Variants in ALK observed in about 807,000 individuals in gnomAD.
The protein encoded by ALK is ALK receptor tyrosine kinase, also known as ALK tyrosine kinase receptor.
In ALK, 74 loss-of-function variants were observed where a neutral mutation model predicts 163.1. The ratio of observed to expected loss-of-function variants is 0.45; its 90% CI spans 0.38 to 0.55. ALK has a LOEUF of 0.55. Among genes scored for constraint, ALK ranks in the 20% least tolerant of loss-of-function variants. The pLI is 0.00. For synonymous variants in ALK, 960 were observed against 843.2 expected (o/e 1.14, Z -2.40); for missense variants, 2,063 against 2,105.3 (o/e 0.98, Z 0.39).
At chr2:29,234,913 A>G (rs981033556) in intron 13 of ALK, among the ~76,000 whole-genome samples, 35 of 152,220 alleles carry the variant, frequency 2.3e-4, no homozygotes, top group Admixed American at 1.3e-3. Flanking sequence ...GGGTTTTGCC[A>G]TGTTGGCCAG....
chr2:29,466,079 A>C (rs1671203315), intron 4 of ALK, among the ~76,000 whole-genome samples: 1 of 152,234 alleles, frequency 6.6e-6, no homozygotes, highest in Admixed American at 6.5e-5. Context: ...AATTATATTA[A>C]AAAAGAAAGA....
chr2:29,593,910 T>C (rs950003859), intron 3 of ALK, among the ~76,000 whole-genome samples: 2 of 152,234 alleles, frequency 1.3e-5, no homozygotes, highest in Non-Finnish European at 2.9e-5. Flanking sequence ...AGAAGATTGT[T>C]AAATACAGCC....
chr2:29,640,791 G>A (rs905436497), intron 3 of ALK, among the ~76,000 whole-genome samples: 3 of 152,132 alleles, frequency 2.0e-5, no homozygotes, highest in Non-Finnish European at 4.4e-5. Flanking sequence ...TGTAGACACC[G>A]CTACCAATGG....
chr2:29,764,567 A>G (rs1454522519), intron 1 of ALK, among the ~76,000 whole-genome samples: 1 of 152,170 alleles, frequency 6.6e-6, no homozygotes, highest in African/African-American at 2.4e-5. Context: ...AGGCACTGTG[A>G]GAGTCACTAC....
intron 4 of ALK, among the ~76,000 whole-genome samples, chr2:29,475,842 A>G (rs1258259641): frequency 2.7e-5 from 4 of 149,258 alleles, no homozygotes; most frequent in Admixed American, 2.0e-4. Flanking sequence ...CTGAAGAGGA[A>G]TTGTGCAAAC....
In ALK at chr2:29,826,507, T is replaced by C. The variant is rs147031116; in HGVS notation, c.667+93486A>G. ...ACCAGTCTCTCTCTCTCTGTCTCTT[T>C]ATGTGTCAGGGTTTAGCATTCACAT... On this transcript the variant is annotated intron_variant, in intron 1 of 28. Transcript: ENST00000389048. 5.3e-4 allele frequency among the ~76,000 whole-genome samples: 81 copies of C among 152,260 alleles called. 1 individual carries two copies. The East Asian group carries it at 8.3e-3, about 16-fold the overall frequency.
chr2:29,733,745 C>T (rs1418530059), intron 1 of ALK, among the ~76,000 whole-genome samples: 1 of 152,100 alleles, frequency 6.6e-6, no homozygotes, highest in Non-Finnish European at 1.5e-5. Context: ...GTCATGTGAT[C>T]CCTATGAGGG....
intron 1 of ALK, among the ~76,000 whole-genome samples, chr2:29,803,214 G>T (rs774930018): frequency 2.6e-5 from 4 of 152,184 alleles, no homozygotes; most frequent in Non-Finnish European, 4.4e-5. Context: ...TCAGACCAAA[G>T]AAATCTGTCA....
chr2:29,608,699 T>C (rs1433264760), intron 3 of ALK, among the ~76,000 whole-genome samples: 1 of 152,220 alleles, frequency 6.6e-6, no homozygotes, highest in African/African-American at 2.4e-5. Context: ...ACCGTCCTAA[T>C]GACCAGTTGT....
chr2:29,354,891 C>T (rs1016336268), intron 5 of ALK, among the ~76,000 whole-genome samples: 5 of 152,012 alleles, frequency 3.3e-5, no homozygotes, highest in Non-Finnish European at 4.4e-5. Flanking sequence ...CTCAGCCTCC[C>T]AAGTAGCTAG....
chr2:29,308,722 T>G (rs1308584416), intron 8 of ALK, among the ~76,000 whole-genome samples: 1 of 152,230 alleles, frequency 6.6e-6, no homozygotes, highest in Non-Finnish European at 1.5e-5. Context: ...ATATTTATTA[T>G]GGGGCTTTAA....
chr2:29,848,214 T>C (rs1291989342), intron 1 of ALK, among the ~76,000 whole-genome samples: 1 of 152,122 alleles, frequency 6.6e-6, no homozygotes, highest in Non-Finnish European at 1.5e-5. Flanking sequence ...GGGACTTCAA[T>C]TCTGATGTCA....
chr2:29,779,525 C>T (rs776327956), intron 1 of ALK, among the ~76,000 whole-genome samples: 2 of 152,182 alleles, frequency 1.3e-5, no homozygotes, highest in Non-Finnish European at 2.9e-5. Context: ...CTCTCTTCAC[C>T]AGCAATACGG....
chr2:29,906,185 T>A (rs1266193381), intron 1 of ALK, among the ~76,000 whole-genome samples: 4 of 151,942 alleles, frequency 2.6e-5, no homozygotes, highest in Non-Finnish European at 1.5e-5. Context: ...CTGTGGTGAA[T>A]GAGGAAAAGT....
At chr2:29,216,528 C>T (rs1207928954) in intron 23 of ALK, among the ~76,000 whole-genome samples, 1 of 152,160 alleles carries the variant, frequency 6.6e-6, no homozygotes, top group East Asian at 1.9e-4. Flanking sequence ...CTTGGCTGCT[C>T]AGAGCAGATT....
intron 4 of ALK, among the ~76,000 whole-genome samples, chr2:29,403,577 T>C (rs535748291): frequency 6.6e-6 from 1 of 151,680 alleles, no homozygotes; most frequent in South Asian, 2.1e-4. Flanking sequence ...ATTAAAACAA[T>C]TGGTGGGAGG....
intron 5 of ALK, among the ~76,000 whole-genome samples, chr2:29,339,616 G>A (rs1667731394): frequency 6.6e-6 from 1 of 152,176 alleles, no homozygotes; most frequent in Non-Finnish European, 1.5e-5. Context: ...AAATGGAAGT[G>A]GGCAAACCAC....
intron 8 of ALK, among the ~76,000 whole-genome samples, chr2:29,301,964 T>A (rs1004006547): frequency 6.6e-5 from 10 of 152,222 alleles, no homozygotes; most frequent in African/African-American, 2.2e-4. Flanking sequence ...GCACTCCTAC[T>A]CTTTGCTGCA....
chr2:29,558,017 A>G (rs1673912982), intron 3 of ALK, among the ~76,000 whole-genome samples: 1 of 152,172 alleles, frequency 6.6e-6, no homozygotes. Flanking sequence ...TGATGTCTAC[A>G]CTGCATTCCT....
Sources: gnomAD v4.1 joint callset for allele counts (sites outside exome capture counted in the v4.1 genomes callset) on GRCh38, gnomAD v4.1.1 for gene constraint, MANE v1.5 for transcripts, NCBI Gene and HGNC (gene_info 2026-07-23, HGNC 2026-07-21) for gene names.